Variants in SVIL observed in about 807,000 individuals in gnomAD.
The protein encoded by SVIL is supervillin.
Under a neutral mutation model 240.4 loss-of-function variants are expected in SVIL, and 101 were observed. That is an observed-to-expected ratio of 0.42 (90% CI 0.36 to 0.50). The LOEUF (loss-of-function observed/expected upper bound fraction) is 0.50, where lower values mean the gene tolerates loss of function less well. Ranked by LOEUF, SVIL falls within the 20% of genes least tolerant of loss-of-function variation. SVIL has a pLI of 0.01. For synonymous variants in SVIL, 999 were observed against 1,100.0 expected, an observed-to-expected ratio of 0.91 and a Z score of 1.82; for missense variants, 2,512 against 2,818.7, an observed-to-expected ratio of 0.89 and a Z score of 2.46.
intron 1 of SVIL, among the ~76,000 whole-genome samples, chr10:29,728,699 C>A (rs1352358437): frequency 3.3e-5 from 5 of 152,110 alleles, no homozygotes; most frequent in East Asian, 3.9e-4. Flanking sequence ...AAACTGCAGA[C>A]ACAAAAGGTG....
chr10:29,626,612 A>G (rs1241733084), intron 1 of SVIL, among the ~76,000 whole-genome samples: 1 of 152,232 alleles, frequency 6.6e-6, no homozygotes, highest in Non-Finnish European at 1.5e-5. Context: ...AGGAGAAAAA[A>G]CAAATGTCCA....
intron 2 of SVIL, among the ~76,000 whole-genome samples, chr10:29,565,289 C>A (rs546117613): frequency 1.3e-5 from 2 of 152,172 alleles, no homozygotes; most frequent in Non-Finnish European, 1.5e-5. Context: ...ACAGAGTGAG[C>A]TTTACGAGTC....
chr10:29,681,134 A>G (rs751026725), intron 2 of SVIL, among the ~76,000 whole-genome samples: 5 of 152,084 alleles, frequency 3.3e-5, no homozygotes, highest in African/African-American at 4.8e-5. Context: ...TGTAATTGGC[A>G]TGGTAGGGAA....
intron 17 of SVIL, among the ~76,000 whole-genome samples, chr10:29,509,807 G>A (rs1238207924): frequency 6.6e-6 from 1 of 152,120 alleles, no homozygotes; most frequent in Non-Finnish European, 1.5e-5. Flanking sequence ...CCGAGATTGT[G>A]CCATTGCACT....
At chr10:29,517,654 C>A (rs1286966064) in intron 16 of SVIL, among the ~76,000 whole-genome samples, 1 of 152,146 alleles carries the variant, frequency 6.6e-6, no homozygotes, top group African/African-American at 2.4e-5. Flanking sequence ...AACACAGGAG[C>A]CTCCAGCCGG....
chr10:29,703,080 T>C (rs1962640178), intron 1 of SVIL, among the ~76,000 whole-genome samples: 1 of 152,116 alleles, frequency 6.6e-6, no homozygotes, highest in African/African-American at 2.4e-5. Context: ...GAGGGTGCAA[T>C]GTGAAAGGAT....
intron 1 of SVIL, among the ~76,000 whole-genome samples, chr10:29,722,544 C>T (rs567494679): frequency 1.3e-5 from 2 of 152,100 alleles, no homozygotes; most frequent in Non-Finnish European, 2.9e-5. Flanking sequence ...CCAGGTTTTG[C>T]GAACTAGAAT....
intron 3 of SVIL, among the ~76,000 whole-genome samples, chr10:29,555,979 A>T (rs1031847747): frequency 6.6e-6 from 1 of 152,220 alleles, no homozygotes; most frequent in African/African-American, 2.4e-5. Context: ...CTTTCACTGG[A>T]AGCAAATGTT....
intron 1 of SVIL, among the ~76,000 whole-genome samples, chr10:29,596,532 A>G (rs1956597805): frequency 6.6e-6 from 1 of 152,152 alleles, no homozygotes. Flanking sequence ...GCATTTCAGT[A>G]AGCCATCCAG....
chr10:29,660,059 C>T (rs907817576), intron 2 of SVIL, among the ~76,000 whole-genome samples: 99 of 152,344 alleles, frequency 6.5e-4, no homozygotes, highest in African/African-American at 2.3e-3. Context: ...TGGCTCATGT[C>T]TGTAATCCCA....
At chr10:29,627,425 T>G (rs1449100165) in intron 1 of SVIL, among the ~76,000 whole-genome samples, 1 of 152,196 alleles carries the variant, frequency 6.6e-6, no homozygotes, top group Non-Finnish European at 1.5e-5. Flanking sequence ...TGGTTATTCA[T>G]GAAAATCAAT....
At position 29,610,874 on chromosome 10, in the gene SVIL, T is replaced by C. The variant is rs538444393; in HGVS notation, c.-201+23546A>G. ...TGTAATTCCTGTGCAGTGCATCACT[T>C]GTGATTCTTTAGGTGCACTCTCGCT... is the stretch of plus-strand genomic sequence containing the variant. On this transcript the variant is annotated intron_variant, in intron 1 of 37. Coordinates refer to ENST00000355867, the MANE Select transcript of SVIL (RefSeq NM_021738.3). 1.2e-3 allele frequency among the ~76,000 whole-genome samples: 179 copies of C among 152,290 alleles called. 1 individual carries two copies. The highest frequency in any genetic ancestry group is 3.7e-3 in the African/African-American group (154 of 41,560).
At position 29,526,965 on chromosome 10, in the gene SVIL, C is replaced by T; in HGVS notation, c.2338G>A (p.Ala780Thr). Residue 780 changes from alanine (A) to threonine (T), a missense_variant, in exon 13 of 38, where the codon GCC becomes ACC. Physicochemically the swap from Ala to Thr is moderately conservative, Grantham distance 58. Around this residue, in one of 3 missense-constraint regions of SVIL, gnomAD observed 1,443 missense variants for 1,486.6 expected, o/e 0.97. Transcript: ENST00000355867. ...GCATCTGTATCTGTCCAGTACCTGG[C>T]AGGCTGCACAGCGCTCCTAGCTACA... ...PTVARSAVQP[A>T]RLQASAHQKA... is the part of the protein sequence containing the mutation. 6.3e-7 allele frequency: 1 copy of T among 1,596,924 alleles called. No homozygotes were observed.
chr10:29,620,105 C>T (rs1427039591), intron 1 of SVIL, among the ~76,000 whole-genome samples: 1 of 151,848 alleles, frequency 6.6e-6, no homozygotes, highest in Non-Finnish European at 1.5e-5. Flanking sequence ...CCATCAGAAC[C>T]GTGTAAATGG....
chr10:29,531,156 C>T, intron 10 of SVIL, 98 bp downstream of exon 10: 1 of 1,154,620 alleles, frequency 8.7e-7, no homozygotes, highest in Non-Finnish European at 1.3e-6. Flanking sequence ...CACTGTTATG[C>T]TCCATCATCT....
chr10:29,558,441 TTC>T (rs1954138324), intron 3 of SVIL, among the ~76,000 whole-genome samples: 3 of 152,186 alleles, frequency 2.0e-5, no homozygotes, highest in Non-Finnish European at 4.4e-5. Context: ...TCTCAGTCTA[TTC>T]TTTCTAGCAA....
chr10:29,542,326 T>C (rs1385586885), intron 6 of SVIL, among the ~76,000 whole-genome samples: 2 of 152,200 alleles, frequency 1.3e-5, no homozygotes, highest in African/African-American at 2.4e-5. Flanking sequence ...TGAAAATGAC[T>C]AGAGCAAGGT....
chr10:29,492,233 A>G (rs1411899607), intron 21 of SVIL, among the ~76,000 whole-genome samples: 4 of 152,060 alleles, frequency 2.6e-5, no homozygotes, highest in Non-Finnish European at 4.4e-5. Context: ...TGACTGGTTT[A>G]GGGATGGACA....
Position 29,605,731 on chromosome 10 carries a change from T to A in SVIL, c.-201+28689A>T, listed in dbSNP as rs1007169281. Among the ~76,000 whole-genome samples, 13 of 138,140 alleles carry A rather than the reference T, an allele frequency of 9.4e-5. No individual in the cohort carries two copies. The East Asian group carries it at 2.9e-3, about 31-fold the overall frequency. The allele number at this position is 138,140 out of a possible 152,430, so 90.6% of individuals were successfully genotyped here. ...TATATATTCAAATATATATATATAT[T>A]ATTTACATAATATATATTTTATATA... On this transcript the variant is annotated intron_variant, in intron 1 of 37. Transcript: ENST00000355867.
Sources: gnomAD v4.1 joint callset for allele counts (sites outside exome capture counted in the v4.1 genomes callset) on GRCh38, gnomAD v4.1.1 for gene constraint, gnomAD v4.1.1 regional missense constraint, MANE v1.5 for transcripts, NCBI Gene and HGNC (gene_info 2026-07-23, HGNC 2026-07-21) for gene names.